Variants in AFF3 observed in about 807,000 individuals in gnomAD.
AFF3 encodes AF4/FMR2 family member 3.
A neutral mutation model predicts 129.7 loss-of-function variants in AFF3; 32 were observed. The observed-to-expected ratio is 0.25, with a 90% CI of 0.19 to 0.33. The LOEUF (loss-of-function observed/expected upper bound fraction) is 0.33. Ranked by LOEUF, AFF3 falls within the 10% of genes least tolerant of loss-of-function variation. AFF3 has a pLI of 1.00. For synonymous variants in AFF3, 644 were observed against 635.4 expected, an observed-to-expected ratio of 1.01 and a Z score of -0.20; for missense variants, 1,373 against 1,592.0, an observed-to-expected ratio of 0.86 and a Z score of 2.34.
chr2:99,687,849 A>G (rs1675220829), intron 11 of AFF3, among the ~76,000 whole-genome samples: 1 of 152,074 alleles, frequency 6.6e-6, no homozygotes, highest in Non-Finnish European at 1.5e-5. Flanking sequence ...TGCTATGATA[A>G]CGTAAGTCCA....
At chr2:99,705,265 A>G (rs1055083744) in intron 11 of AFF3, among the ~76,000 whole-genome samples, 3 of 152,106 alleles carry the variant, frequency 2.0e-5, no homozygotes, top group Non-Finnish European at 1.5e-5. Context: ...GAAAGGAGAG[A>G]GTGCTCAGTA....
chr2:99,561,497 C>T (rs1386014456), intron 20 of AFF3, among the ~76,000 whole-genome samples: 1 of 152,162 alleles, frequency 6.6e-6, no homozygotes, highest in Non-Finnish European at 1.5e-5. Flanking sequence ...TTACCTTCCC[C>T]ACTTAAAAAT....
At chr2:100,130,485 C>T (rs1232641968) in intron 1 of AFF3, among the ~76,000 whole-genome samples, 3 of 152,242 alleles carry the variant, frequency 2.0e-5, no homozygotes, top group Admixed American at 2.0e-4. Context: ...TTCCCTTTCT[C>T]TGAGCAAGAG....
At chr2:99,785,172 G>A (rs930811632) in intron 8 of AFF3, among the ~76,000 whole-genome samples, 1 of 152,182 alleles carries the variant, frequency 6.6e-6, no homozygotes, top group Non-Finnish European at 1.5e-5. Context: ...AGCCTGAATT[G>A]GCTTGTCTGT....
chr2:99,566,464 C>G (rs1339438084), intron 19 of AFF3, among the ~76,000 whole-genome samples: 5 of 152,164 alleles, frequency 3.3e-5, no homozygotes, highest in Non-Finnish European at 7.4e-5. Context: ...AGGAGGATCA[C>G]TCGAGCCTGG....
rs934394005 is a variant in AFF3 at position 99,651,965 on chromosome 2, G to C, written c.1144-2299C>G. On this transcript the variant is annotated intron_variant, in intron 12 of 24. Coordinates refer to ENST00000672756, the MANE Select transcript of AFF3 (RefSeq NM_001386135.1). Reference sequence around the variant, plus strand: ...CCCAGAAAAGCTCCTTCCTAAGGTAGGAGCTGGATGACCTCGGTACACTTT... The same window carrying C: ...CCCAGAAAAGCTCCTTCCTAAGGTACGAGCTGGATGACCTCGGTACACTTT... Among the ~76,000 whole-genome samples the C allele has an allele frequency of 2.6e-5, 4 of 152,270 alleles. No individual in the cohort carries two copies. In the South Asian group the frequency reaches 8.3e-4, roughly 32 times the overall value.
chr2:100,114,982 T>A (rs760195312), intron 2 of AFF3, among the ~76,000 whole-genome samples: 10 of 152,200 alleles, frequency 6.6e-5, no homozygotes, highest in Non-Finnish European at 1.3e-4. Flanking sequence ...TTCTCCCCTT[T>A]CTATGAGAGA....
intron 7 of AFF3, among the ~76,000 whole-genome samples, chr2:99,951,774 T>C (rs1193333721): frequency 1.3e-5 from 2 of 152,106 alleles, no homozygotes; most frequent in Non-Finnish European, 2.9e-5. Context: ...GCCTCCCGAG[T>C]AGCTGGGATT....
chr2:99,726,966 C>T (rs370865989), intron 11 of AFF3, 111 bp downstream of exon 11: 2 of 977,582 alleles, frequency 2.0e-6, no homozygotes, highest in Admixed American at 3.1e-5. Flanking sequence ...AAAAGAGAAC[C>T]ATGGGCTTCC....
intron 4 of AFF3, among the ~76,000 whole-genome samples, chr2:100,080,277 G>C (rs541385786): frequency 6.6e-6 from 1 of 152,314 alleles, no homozygotes; most frequent in Admixed American, 6.5e-5. Flanking sequence ...GGACTAGAGA[G>C]AATATAGGTA....
intron 2 of AFF3, among the ~76,000 whole-genome samples, chr2:100,124,713 A>G (rs1692116239): frequency 6.6e-6 from 1 of 152,196 alleles, no homozygotes; most frequent in South Asian, 2.1e-4. Context: ...GACTTAAAAA[A>G]ATGACTTGGG....
intron 7 of AFF3, among the ~76,000 whole-genome samples, chr2:99,976,596 C>T (rs1473096560): frequency 6.6e-6 from 1 of 152,194 alleles, no homozygotes; most frequent in Non-Finnish European, 1.5e-5. Flanking sequence ...CTTCAACTCA[C>T]ATAATTGCTT....
At chr2:99,954,337 G>C (rs182775964) in intron 7 of AFF3, among the ~76,000 whole-genome samples, 2 of 152,210 alleles carry the variant, frequency 1.3e-5, no homozygotes, top group Admixed American at 6.5e-5. Context: ...TAAAAGTATA[G>C]AGTATAAAAG....
intron 12 of AFF3, among the ~76,000 whole-genome samples, chr2:99,656,412 T>C (rs1402504835): frequency 1.3e-5 from 2 of 152,236 alleles, no homozygotes; most frequent in East Asian, 1.9e-4. Context: ...GCACCTGTGA[T>C]AGGACATTGT....
intron 7 of AFF3, among the ~76,000 whole-genome samples, chr2:99,976,056 T>A (rs962249155): frequency 6.6e-6 from 1 of 152,054 alleles, no homozygotes; most frequent in African/African-American, 2.4e-5. Context: ...CCAGGTTTTT[T>A]CTACAATGCT....
At chr2:99,953,989 G>C (rs1676398453) in intron 7 of AFF3, among the ~76,000 whole-genome samples, 1 of 152,242 alleles carries the variant, frequency 6.6e-6, no homozygotes, top group Non-Finnish European at 1.5e-5. Flanking sequence ...TAAGCACAGA[G>C]AGCCTGTATC....
intron 12 of AFF3, among the ~76,000 whole-genome samples, chr2:99,663,793 T>C (rs1461684452): frequency 6.6e-6 from 1 of 152,228 alleles, no homozygotes. Context: ...TTTAGATCCC[T>C]GGTCCCTTCC....
At chr2:99,615,683 C>T (rs931340040) in intron 13 of AFF3, among the ~76,000 whole-genome samples, 5 of 152,192 alleles carry the variant, frequency 3.3e-5, no homozygotes, top group East Asian at 1.9e-4. Context: ...GGATGGGAGG[C>T]GCTGCCTCTT....
chr2:99,956,983 G>A (rs529089505), intron 7 of AFF3, among the ~76,000 whole-genome samples: 6 of 152,248 alleles, frequency 3.9e-5, no homozygotes, highest in Admixed American at 6.5e-5. Context: ...TGGAAGATTC[G>A]GCAGAAACAG....
Sources: gnomAD v4.1 joint callset for allele counts (sites outside exome capture counted in the v4.1 genomes callset) on GRCh38, gnomAD v4.1.1 for gene constraint, MANE v1.5 for transcripts, NCBI Gene and HGNC (gene_info 2026-07-23, HGNC 2026-07-21) for gene names.